The following VPS13C variants were observed in gnomAD, a reference collection of about 807,000 sequenced individuals.
VPS13C encodes vacuolar protein sorting 13 homolog C, also known as intermembrane lipid transfer protein VPS13C.
A neutral mutation model predicts 456.8 loss-of-function variants in VPS13C; 358 were observed. The ratio of observed to expected loss-of-function variants is 0.78; its 90% CI spans 0.72 to 0.86. The LOEUF is 0.86. Among genes scored for constraint, VPS13C ranks in the 40% least tolerant of loss-of-function variants. The pLI is 0.00. For missense variants in VPS13C, 4,818 were observed against 4,385.4 expected, an observed-to-expected ratio of 1.10 and a Z score of -2.79; for synonymous variants, 1,578 against 1,486.7, an observed-to-expected ratio of 1.06 and a Z score of -1.41.
At chr15:62,046,765 T>A (rs915161920) in intron 1 of VPS13C, among the ~76,000 whole-genome samples, 1 of 152,228 alleles carries the variant, frequency 6.6e-6, no homozygotes, top group African/African-American at 2.4e-5. Flanking sequence ...TCTCCTGCAG[T>A]GACACTTTAC....
Position 61,881,755 on chromosome 15 carries a change from A to G in VPS13C, c.9698T>C (p.Leu3233Ser), listed in dbSNP as rs1895874578. 6.2e-7 allele frequency: 1 copy of G among 1,609,342 alleles called. No homozygotes were observed. The highest frequency in any genetic ancestry group is 1.1e-5 in the South Asian group (1 of 89,772). Residue 3233 changes from leucine to serine, a missense_variant, in exon 70 of 85, where the codon TTA (leucine) becomes TCA (serine). By Grantham distance (145) the Leu-to-Ser change is moderately radical. Transcript: ENST00000644861. The stretch of plus-strand genomic sequence containing the variant: ...AACTTATTTTATTTTACCTGAATCT[A>G]AAGCAATAGATTTTGGAGGGGCAAC... Reference protein sequence around the residue: ...HPVAPPKSIALDSEPKPFIDV... With the variant: ...HPVAPPKSIASDSEPKPFIDV...
chr15:62,043,611 GAAATAA>G (rs904446841), intron 2 of VPS13C, among the ~76,000 whole-genome samples: 1 of 151,576 alleles, frequency 6.6e-6, no homozygotes, highest in South Asian at 2.1e-4. Flanking sequence ...ATCTCAAAAA[GAAATAA>G]AAATAAAAAT....
At chr15:61,955,252 G>C (rs974903077) in intron 37 of VPS13C, among the ~76,000 whole-genome samples, 4 of 152,080 alleles carry the variant, frequency 2.6e-5, no homozygotes, top group African/African-American at 9.7e-5. Context: ...TAATTCTTAT[G>C]ACATCTCTTT....
intron 37 of VPS13C, among the ~76,000 whole-genome samples, chr15:61,956,805 G>A (rs1453625572): frequency 6.6e-6 from 1 of 152,096 alleles, no homozygotes; most frequent in Admixed American, 6.6e-5. Flanking sequence ...CCAAGTACTG[G>A]GGAGAATGTG....
At chr15:61,977,004 G>A in intron 24 of VPS13C, 78 bp downstream of exon 24, 1 of 998,472 alleles carries the variant, frequency 1.0e-6, no homozygotes, top group Non-Finnish European at 1.5e-6. Context: ...ATCTATCTTT[G>A]CTTCCTTAAA....
chr15:61,942,635 T>C (rs1418497494), intron 45 of VPS13C, among the ~76,000 whole-genome samples: 3 of 142,438 alleles, frequency 2.1e-5, no homozygotes, highest in African/African-American at 8.5e-5. Flanking sequence ...AATTTATTTA[T>C]AATAAGATGT....
intron 9 of VPS13C, 50 bp from the exon 10 acceptor site, chr15:62,014,042 T>C (rs759059330): frequency 8.5e-6 from 12 of 1,405,782 alleles, no homozygotes; most frequent in Middle Eastern, 1.8e-4. Context: ...ATGTCATTAA[T>C]AGCGCTCTAA....
intron 9 of VPS13C, among the ~76,000 whole-genome samples, chr15:62,014,553 G>C (rs1445856125): frequency 1.3e-5 from 2 of 152,046 alleles, no homozygotes; most frequent in East Asian, 1.9e-4. Context: ...GATAACTTTA[G>C]ATTTATAAGT....
intron 5 of VPS13C, among the ~76,000 whole-genome samples, chr15:62,033,153 T>G (rs796108997): frequency 2.0e-5 from 3 of 151,680 alleles, no homozygotes; most frequent in African/African-American, 7.2e-5. Flanking sequence ...TAAACAGGCC[T>G]GCAAATACTG....
chr15:61,988,888 C>G (rs942207855), intron 18 of VPS13C, among the ~76,000 whole-genome samples: 20 of 152,074 alleles, frequency 1.3e-4, no homozygotes, highest in Non-Finnish European at 2.2e-4. Context: ...AACTTCACAC[C>G]ATACACAAAA....
chr15:61,886,816 CCAGT>C (rs995706098), intron 67 of VPS13C, among the ~76,000 whole-genome samples: 3 of 152,086 alleles, frequency 2.0e-5, no homozygotes, highest in African/African-American at 7.2e-5. Flanking sequence ...TTAGAGGATA[CCAGT>C]CAATGAAGGC....
At chr15:62,021,861 C>T (rs1567120129) in intron 8 of VPS13C, among the ~76,000 whole-genome samples, 1 of 151,814 alleles carries the variant, frequency 6.6e-6, no homozygotes, top group Non-Finnish European at 1.5e-5. Context: ...TTAAAGACAA[C>T]CCTCAGTTGC....
intron 81 of VPS13C, chr15:61,866,981 A>G: frequency 3.1e-6 from 3 of 976,302 alleles, no homozygotes; most frequent in Non-Finnish European, 3.7e-6. Flanking sequence ...ATCATTTATT[A>G]CAAAAAAAAG....
At chr15:61,879,200 AT>A (rs1895679296) in intron 73 of VPS13C, 1 of 152,908 alleles carries the variant, frequency 6.5e-6, no homozygotes, top group Non-Finnish European at 1.5e-5. Flanking sequence ...CCAACTTAGT[AT>A]TTAAACATGA....
intron 38 of VPS13C, among the ~76,000 whole-genome samples, chr15:61,952,943 C>CAA (rs958315443): frequency 2.6e-5 from 4 of 151,650 alleles, no homozygotes; most frequent in African/African-American, 9.7e-5. Flanking sequence ...AGGCTGGTCT[C>CAA]AAATACCTGA....
At chr15:61,968,430 A>G (rs1036325442) in intron 28 of VPS13C, among the ~76,000 whole-genome samples, 10 of 152,114 alleles carry the variant, frequency 6.6e-5, no homozygotes, top group African/African-American at 2.4e-4. Context: ...TGAAAATACA[A>G]TGCCATTTTA....
rs938707708 is a variant in VPS13C, at chr15:61,920,193, T to C, written c.7351A>G (p.Ser2451Gly). Residue 2451 changes from serine (S) to glycine (G), a missense_variant, in exon 57 of 85, where the codon AGT becomes GGT. Physicochemically the swap from Ser to Gly is moderately conservative, Grantham distance 56. Transcript: ENST00000644861. ...NLRVMGFPEK[S>G]DIFDVDAGQN... is the part of the protein sequence containing the mutation. The stretch of plus-strand genomic sequence containing the variant: ...CCAGCATCAACATCAAAAATATCAC[T>C]TTTCTCAGGGAAGCCCATTACTCTG... 3.1e-6 allele frequency: 5 copies of C among 1,613,612 alleles called. 1 individual carries two copies. The highest frequency in any genetic ancestry group is 4.5e-5 in the East Asian group (2 of 44,848).
intron 69 of VPS13C, 106 bp downstream of exon 69, chr15:61,882,490 G>C (rs1250183206): frequency 3.6e-6 from 4 of 1,106,732 alleles, no homozygotes; most frequent in Non-Finnish European, 4.7e-6. Context: ...TACAAACAAA[G>C]AAAAGATACC....
chr15:62,011,747 G>A (rs1023693790), intron 12 of VPS13C, among the ~76,000 whole-genome samples: 1 of 151,976 alleles, frequency 6.6e-6, no homozygotes, highest in African/African-American at 2.4e-5. Context: ...GTAACATAAG[G>A]GTGACCTGAA....
Sources: gnomAD v4.1 joint callset for allele counts (sites outside exome capture counted in the v4.1 genomes callset) on GRCh38, gnomAD v4.1.1 for gene constraint, MANE v1.5 for transcripts, NCBI Gene and HGNC (gene_info 2026-07-23, HGNC 2026-07-21) for gene names.